Variants in SLC41A1 observed in about 807,000 individuals in gnomAD.
SLC41A1 encodes solute carrier family 41 (magnesium transporter), member 1.
A neutral mutation model predicts 47.3 loss-of-function variants in SLC41A1; 20 were observed. The ratio of observed to expected loss-of-function variants is 0.42; its 90% confidence interval spans 0.30 to 0.61. The LOEUF is 0.61. Among genes scored for constraint, SLC41A1 ranks in the 20% least tolerant of loss-of-function variants. SLC41A1 has a pLI of 0.17. For synonymous variants in SLC41A1, 282 were observed against 272.7 expected, an observed-to-expected ratio of 1.03 and a Z score of -0.34; for missense variants, 504 against 674.1, an observed-to-expected ratio of 0.75 and a Z score of 2.79.
intron 3 of SLC41A1, among the ~76,000 whole-genome samples, chr1:205,800,478 G>A (rs1655853867): frequency 6.6e-6 from 1 of 152,194 alleles, no homozygotes; most frequent in South Asian, 2.1e-4. Flanking sequence ...GCTCCTCTCT[G>A]TCTGTTTCCT....
In SLC41A1 at chr1:205,801,303, C is replaced by T. The variant is rs376757800; in HGVS notation, c.373-243G>A. On this transcript the variant is annotated intron_variant, in intron 2 of 10. Transcript: ENST00000367137. ...GAGAGGGTTTCTGCCGGTTGGGAGA[C>T]TCTCAGTCTGGCCCTACCTTTTCTG... is the stretch of plus-strand genomic sequence containing the variant. 224 of 477,586 alleles carry T rather than the reference C, an allele frequency of 4.7e-4. 7 individuals are homozygous for T. The highest frequency in any genetic ancestry group is 4.4e-3 in the South Asian group (214 of 48,994). 29.6% of individuals were successfully genotyped at this position (477,586 alleles called of 1,614,324 possible). A position where few individuals can be genotyped will look rare whatever the true frequency, so the allele number is the denominator to read the frequency against.
chr1:205,797,287 A>G (rs1293339919), intron 7 of SLC41A1, among the ~76,000 whole-genome samples: 1 of 152,242 alleles, frequency 6.6e-6, no homozygotes, highest in African/African-American at 2.4e-5. Context: ...CTGCAGGACT[A>G]TCTGCCTCTG....
intron 3 of SLC41A1, among the ~76,000 whole-genome samples, chr1:205,800,221 C>T (rs560963007): frequency 6.6e-6 from 1 of 152,346 alleles, no homozygotes; most frequent in Admixed American, 6.5e-5. Flanking sequence ...GCTGCTGGTG[C>T]AGGACTGAGG....
At chr1:205,797,515 G>GAA (rs1455431881) in intron 7 of SLC41A1, among the ~76,000 whole-genome samples, 1 of 152,262 alleles carries the variant, frequency 6.6e-6, no homozygotes, top group African/African-American at 2.4e-5. Context: ...ATGAGAAGCA[G>GAA]TGGAACTCTA....
chr1:205,809,995 A>G, intron 2 of SLC41A1, 75 bp downstream of exon 2: 2 of 1,600,610 alleles, frequency 1.2e-6, no homozygotes, highest in Non-Finnish European at 1.7e-6. Context: ...GGAGGTAGAG[A>G]GGAAGTTCCA....
intron 10 of SLC41A1, among the ~76,000 whole-genome samples, chr1:205,794,060 G>A (rs1655685513): frequency 6.6e-6 from 1 of 152,200 alleles, no homozygotes; most frequent in Non-Finnish European, 1.5e-5. Flanking sequence ...GCCTTGTGGT[G>A]ATGAAACAGT....
In SLC41A1 at chr1:205,796,925, A is replaced by G; in HGVS notation, c.1071T>C (p.Asn357=). 2 of 1,612,300 alleles carry G rather than the reference A, an allele frequency of 1.2e-6. No individual in the cohort carries two copies. The highest frequency in any genetic ancestry group is 1.7e-6 in the Non-Finnish European group (2 of 1,179,382). The stretch of plus-strand genomic sequence containing the variant: ...TGATAGCTGATGCCCAGACCTCACC[A>G]TTAATCACAGGCGTGAAGACAGCCA... ...AGMAVFTPVI[N]GVGGNLVAVQ... The change falls in exon 8 of 11, where the codon AAT becomes AAC. Residue 357 remains asparagine, a splice_region_variant and synonymous_variant. Transcript: ENST00000367137.
intron 8 of SLC41A1, chr1:205,796,112 T>C (rs1193755254): frequency 6.2e-6 from 1 of 160,084 alleles, no homozygotes; most frequent in Non-Finnish European, 1.4e-5. Context: ...CAGTCTCCCT[T>C]GCTGGCTGCT....
intron 2 of SLC41A1, among the ~76,000 whole-genome samples, chr1:205,809,220 C>T (rs1328896182): frequency 6.6e-6 from 1 of 152,208 alleles, no homozygotes; most frequent in African/African-American, 2.4e-5. Flanking sequence ...AAAACTTTAA[C>T]TCTTGGACCT....
Position 205,813,145 on chromosome 1 carries a change from G to C in SLC41A1, c.-984C>G, listed in dbSNP as rs937534746. 4 of 985,468 alleles carry C rather than the reference G, an allele frequency of 4.1e-6. No individual in the cohort carries two copies. The highest frequency in any genetic ancestry group is 1.7e-5 in the African/African-American group (1 of 57,248). The allele number at this position is 985,468 out of a possible 1,614,324, so 61.0% of individuals were successfully genotyped here. ...GCGCCCCCAATCGCTTCTTGCCCGCGGACTCGGGCCCAACTGGTTGGCTGC... is the reference window on the plus strand; with the variant it reads ...GCGCCCCCAATCGCTTCTTGCCCGCCGACTCGGGCCCAACTGGTTGGCTGC... On this transcript the variant is annotated 5_prime_UTR_variant, in exon 1 of 11. Transcript: ENST00000367137.
intron 2 of SLC41A1, among the ~76,000 whole-genome samples, chr1:205,808,574 G>C (rs1284514603): frequency 6.6e-6 from 1 of 152,166 alleles, no homozygotes; most frequent in Non-Finnish European, 1.5e-5. Context: ...TGAGAACTGA[G>C]GCCACAGGAA....
chr1:205,795,737 C>A, intron 8 of SLC41A1: 2 of 565,504 alleles, frequency 3.5e-6, no homozygotes, highest in Non-Finnish European at 6.3e-6. Context: ...GTTCCATGTT[C>A]CCCTGGCAAA....
At position 205,799,036 on chromosome 1, in the gene SLC41A1, A is replaced by G; in HGVS notation, c.618T>C (p.Asp206=). 1.2e-6 allele frequency: 2 copies of G among 1,613,816 alleles called. No individual in the cohort carries two copies. The highest frequency in any genetic ancestry group is 1.7e-6 in the Non-Finnish European group (2 of 1,180,020). The change falls in exon 5 of 11, where the codon GAT becomes GAC. Residue 206 remains aspartate, a synonymous_variant. Transcript: ENST00000367137. ...AGGCGTGCGGAATACTGAAGTGGCC[A>G]TCAGGGATCCAGCCAAAGACGACGG... ...IAAVVFGWIP[D]GHFSIPHAFL... is the part of the protein sequence containing the mutation.
intron 2 of SLC41A1, 115 bp downstream of exon 2, chr1:205,809,955 A>T: frequency 6.9e-7 from 1 of 1,453,666 alleles, no homozygotes. Context: ...GGAAAACAGT[A>T]TTCTAGGAAG....
At chr1:205,797,034 A>G (rs1282655217) in intron 7 of SLC41A1, 31 bp from the exon 8 acceptor site, 7 of 1,217,838 alleles carry the variant, frequency 5.7e-6, no homozygotes, top group Non-Finnish European at 8.4e-6. Flanking sequence ...AATGACGCAA[A>G]GACCACTGAA....
At chr1:205,812,500 A>T (rs1382175747) in intron 1 of SLC41A1, among the ~76,000 whole-genome samples, 1 of 152,122 alleles carries the variant, frequency 6.6e-6, no homozygotes, top group Non-Finnish European at 1.5e-5. Flanking sequence ...CTGGCAGGCC[A>T]CTGAACCTGA....
chr1:205,789,925 CGT>C lies in SLC41A1; in HGVS notation c.*1606_*1607del, dbSNP rs1248766508. The C allele has an allele frequency of 6.6e-6, 1 of 152,214 alleles. No individual in the cohort carries two copies. Among genetic ancestry groups the C allele is most frequent in the Non-Finnish European group, 1.5e-5 (1 of 68,054 alleles). 9.4% of individuals were successfully genotyped at this position (152,214 alleles called of 1,614,324 possible). On this transcript the variant is annotated 3_prime_UTR_variant, in exon 11 of 11. Transcript: ENST00000367137. ...ACATCCAAATCCCCAGATCTGTACA[CGT>C]GTGACTGCGGATGGAGGCTCCAGTT...
chr1:205,791,760 T>A lies in SLC41A1; in HGVS notation c.1357-42A>T. On this transcript the variant is annotated intron_variant, in intron 10 of 10. Transcript: ENST00000367137. The surrounding 1 kb of genome is among the most constrained non-coding windows in gnomAD (Gnocchi z 4.0). ...GCCCAGCCTATAGCCATCCTCTCTC[T>A]CCAGGGGGAGCCAGAGGCCACATGA... 1.2e-6 allele frequency: 2 copies of A among 1,606,688 alleles called. No homozygotes were observed. Among genetic ancestry groups the A allele is most frequent in the Non-Finnish European group, 1.7e-6 (2 of 1,177,244 alleles).
chr1:205,793,150 A>C (rs756427731), intron 10 of SLC41A1, among the ~76,000 whole-genome samples: 2 of 152,168 alleles, frequency 1.3e-5, no homozygotes, highest in Non-Finnish European at 2.9e-5. Flanking sequence ...GGCCTTTGGG[A>C]CATGCCCTAG....
Sources: gnomAD v4.1 joint callset for allele counts (sites outside exome capture counted in the v4.1 genomes callset) on GRCh38, gnomAD v4.1.1 for gene constraint, Gnocchi (gnomAD v3.1) non-coding constraint, MANE v1.5 for transcripts, NCBI Gene and HGNC (gene_info 2026-07-23, HGNC 2026-07-21) for gene names.